RYR2: variants seen among roughly 807,000 people sequenced by gnomAD.
RYR2 encodes cardiac muscle ryanodine receptor-calcium release channel.
Under a neutral mutation model 601.1 loss-of-function variants are expected in RYR2, and 227 were observed. The observed-to-expected ratio is 0.38, with a 90% CI of 0.34 to 0.42. RYR2 has a LOEUF of 0.42. Ranked by LOEUF, RYR2 falls within the 10% of genes least tolerant of loss-of-function variation. The pLI, the probability that RYR2 is intolerant of heterozygous loss-of-function variation, is 1.00. For missense variants in RYR2, 4,646 were observed against 6,156.5 expected (o/e 0.75, Z 8.21); for synonymous variants, 2,223 against 2,175.1 (o/e 1.02, Z -0.61).
At chr1:237,623,935 A>G in intron 39 of RYR2, 65 bp downstream of exon 39, 1 of 1,036,318 alleles carries the variant, frequency 9.6e-7, no homozygotes, top group Non-Finnish European at 1.5e-6. Context: ...TCCTGAGACG[A>G]AATTAAGTGT....
chr1:237,812,708 T>TA (rs1661376320), intron 100 of RYR2, among the ~76,000 whole-genome samples: 1 of 152,120 alleles, frequency 6.6e-6, no homozygotes. Flanking sequence ...AATACTTACT[T>TA]ACATTTGCTA....
chr1:237,711,089 A>C (rs1688800597), intron 70 of RYR2, among the ~76,000 whole-genome samples: 1 of 152,224 alleles, frequency 6.6e-6, no homozygotes, highest in African/African-American at 2.4e-5. Flanking sequence ...CTTTAGATTT[A>C]GGTACAAGAC....
chr1:237,662,018 C>T (rs770031787), intron 56 of RYR2, among the ~76,000 whole-genome samples: 2 of 151,822 alleles, frequency 1.3e-5, no homozygotes, highest in East Asian at 1.9e-4. Flanking sequence ...ATGTGGTTTA[C>T]ACCAAATATT....
chr1:237,590,078 T>G, intron 30 of RYR2, 77 bp downstream of exon 30: 1 of 1,292,404 alleles, frequency 7.7e-7, no homozygotes, highest in South Asian at 1.5e-5. Flanking sequence ...AACTTCTGCT[T>G]AGACAATTAT....
intron 79 of RYR2, among the ~76,000 whole-genome samples, chr1:237,739,171 T>C (rs1691400843): frequency 2.0e-5 from 3 of 152,248 alleles, no homozygotes; most frequent in Non-Finnish European, 4.4e-5. Context: ...ATCATGTGCT[T>C]ACTGCTCCTT....
At chr1:237,136,890 A>G (rs182228562) in intron 1 of RYR2, among the ~76,000 whole-genome samples, 2 of 151,744 alleles carry the variant, frequency 1.3e-5, no homozygotes, top group East Asian at 3.9e-4. Flanking sequence ...GGCGGCGAGT[A>G]CCTGTAATCC....
At chr1:237,430,405 G>A (rs1199324475) in intron 12 of RYR2, among the ~76,000 whole-genome samples, 1 of 151,734 alleles carries the variant, frequency 6.6e-6, no homozygotes, top group Non-Finnish European at 1.5e-5. Context: ...ATCTATTGTT[G>A]TAATATTAAA....
rs554807372 is a variant in RYR2 at position 237,357,059 on chromosome 1, T to A, written c.294+1074T>A. Among the ~76,000 whole-genome samples the A allele has an allele frequency of 4.8e-3, 716 of 150,008 alleles. 2 individuals carry two copies. Among genetic ancestry groups the A allele is most frequent in the African/African-American group, 0.012 (490 of 40,446 alleles). On this transcript the variant is annotated intron_variant, in intron 4 of 104. Transcript: ENST00000366574. The stretch of plus-strand genomic sequence containing the variant: ...TTTCATGTTCTCTTGTCTTTTTTTT[T>A]AAATTTTTTTTAGCCCTTTAAAGAC...
In RYR2 at chr1:237,119,276, C is replaced by T. The variant is rs181676667; in HGVS notation, c.48+76707C>T. ...CCAAGGAAGGGCTTCCAGAAGAAAC[C>T]ACTCCTGCCAACACTTCATCTCAGA... On this transcript the variant is annotated intron_variant, in intron 1 of 104. Coordinates refer to ENST00000366574, the MANE Select transcript of RYR2 (RefSeq NM_001035.3). Among the ~76,000 whole-genome samples the T allele has an allele frequency of 4.2e-3, 644 of 152,242 alleles. 11 individuals carry two copies. The highest frequency in any genetic ancestry group is 0.012 in the African/African-American group (518 of 41,540).
At position 237,794,693 on chromosome 1, in the gene RYR2, C is replaced by CATT. The variant is rs1658883901; in HGVS notation, c.13914-595_13914-593dup. On this transcript the variant is annotated intron_variant, in intron 95 of 104. Transcript: ENST00000366574. ...TGATTAGTTTTGCTAATTAAAAAGTCATTTGCTAATGGGTTCCGAGTTGTC... is the reference window on the plus strand; with the variant it reads ...TGATTAGTTTTGCTAATTAAAAAGTCATTATTTGCTAATGGGTTCCGAGTTGTC... 3.3e-5 allele frequency among the ~76,000 whole-genome samples: 5 copies of CATT among 152,154 alleles called. No individual in the cohort carries two copies. The South Asian group carries it at 1.0e-3, about 31-fold the overall frequency.
At chr1:237,681,857 G>A (rs569964444) in intron 62 of RYR2, among the ~76,000 whole-genome samples, 1 of 152,104 alleles carries the variant, frequency 6.6e-6, no homozygotes, top group African/African-American at 2.4e-5. Flanking sequence ...ATATCTCAAG[G>A]CACCAAGTTA....
intron 1 of RYR2, among the ~76,000 whole-genome samples, chr1:237,068,937 C>T (rs1431897718): frequency 6.6e-6 from 1 of 152,162 alleles, no homozygotes; most frequent in Non-Finnish European, 1.5e-5. Context: ...GAGCAAAAAT[C>T]TTCCTGTATC....
chr1:237,586,296 A>C (rs143124773), intron 29 of RYR2, among the ~76,000 whole-genome samples: 21 of 152,124 alleles, frequency 1.4e-4, no homozygotes, highest in African/African-American at 4.3e-4. Context: ...GCACGTATTT[A>C]CTCCTGTGTA....
At chr1:237,064,727 T>G (rs1400463596) in intron 1 of RYR2, among the ~76,000 whole-genome samples, 2 of 45,276 alleles carry the variant, frequency 4.4e-5, no homozygotes, top group Non-Finnish European at 1.1e-4. Flanking sequence ...TTTGTTTTTG[T>G]TTTTTGTTTT....
chr1:237,591,008 G>C lies in RYR2; in HGVS notation c.4160+16G>C, dbSNP rs587781142. 1.9e-6 allele frequency: 3 copies of C among 1,590,748 alleles called. No individual in the cohort carries two copies. The highest frequency in any genetic ancestry group is 2.6e-6 in the Non-Finnish European group (3 of 1,166,350). On this transcript the variant is annotated intron_variant, in intron 31 of 104. Transcript: ENST00000366574. ...TGAAACAAAGGTTACTAATTTATAC[G>C]CTGTGATTTTAAATTTGTAGTTATG...
At position 237,287,384 on chromosome 1, in the gene RYR2, A is replaced by G. The variant is rs1290773842; in HGVS notation, c.168+16768A>G. On this transcript the variant is annotated intron_variant, in intron 2 of 104. Coordinates refer to ENST00000366574, the MANE Select transcript of RYR2 (RefSeq NM_001035.3). Reference sequence around the variant, plus strand: ...AGCAAGGCCAGGGAAGTTTTCCTCAATTATTCCCCAAATATGTTTTCCAAG... The same window carrying G: ...AGCAAGGCCAGGGAAGTTTTCCTCAGTTATTCCCCAAATATGTTTTCCAAG... Among the ~76,000 whole-genome samples, 4 of 152,198 alleles carry G rather than the reference A, an allele frequency of 2.6e-5. No individual in the cohort carries two copies. In the South Asian group the frequency reaches 6.2e-4, roughly 24 times the overall value.
chr1:237,608,519 G>A lies in RYR2; in HGVS notation c.4684-2243G>A, dbSNP rs185709101. ...TTGAAACCAGCTTGGGCAACATAGT[G>A]AGACCCCATCTCTACAAAAAATAAA... is the stretch of plus-strand genomic sequence containing the variant. On this transcript the variant is annotated intron_variant, in intron 35 of 104. Coordinates refer to ENST00000366574, the MANE Select transcript of RYR2 (RefSeq NM_001035.3). Among the ~76,000 whole-genome samples, 704 of 152,184 alleles carry A rather than the reference G, an allele frequency of 4.6e-3. 4 individuals are homozygous for A. The highest frequency in any genetic ancestry group is 0.016 in the African/African-American group (673 of 41,532).
chr1:237,615,609 C>T (rs596502), intron 37 of RYR2, among the ~76,000 whole-genome samples: 102,569 of 151,984 alleles, frequency 0.67, 38,041 homozygotes, highest in Non-Finnish European at 0.82. Flanking sequence ...ATGTTTGCAT[C>T]GCTGACCTGC....
intron 25 of RYR2, among the ~76,000 whole-genome samples, chr1:237,546,544 A>G (rs532496936): frequency 6.6e-6 from 1 of 151,956 alleles, no homozygotes; most frequent in Non-Finnish European, 1.5e-5. Context: ...TGCCCAGCTA[A>G]TTGTTTTGTA....
Sources: gnomAD v4.1 joint callset for allele counts (sites outside exome capture counted in the v4.1 genomes callset) on GRCh38, gnomAD v4.1.1 for gene constraint, MANE v1.5 for transcripts, NCBI Gene and HGNC (gene_info 2026-07-23, HGNC 2026-07-21) for gene names.